CEMIP: variants seen among roughly 807,000 people sequenced by gnomAD.
CEMIP encodes cell migration-inducing and hyaluronan-binding protein.
CEMIP carries 105 observed loss-of-function variants against 156.9 expected under a neutral mutation model. The ratio of observed to expected loss-of-function variants is 0.67; its 90% CI spans 0.57 to 0.79. The LOEUF (loss-of-function observed/expected upper bound fraction) is 0.79, where lower values mean the gene tolerates loss of function less well. Among genes scored for constraint, CEMIP ranks in the 30% least tolerant of loss-of-function variants. The pLI is 0.00. For synonymous variants in CEMIP, 676 were observed against 668.4 expected, an observed-to-expected ratio of 1.01 and a Z score of -0.17; for missense variants, 1,457 against 1,769.4, an observed-to-expected ratio of 0.82 and a Z score of 3.17.
At position 80,798,286 on chromosome 15, in the gene CEMIP, T is replaced by C. The variant is rs191433208; in HGVS notation, c.-176+18672T>C. On this transcript the variant is annotated intron_variant, in intron 1 of 29. Transcript: ENST00000394685. Reference sequence around the variant, plus strand: ...ACCTTATACGTAACACATCTTAAAGTTTATTCATAAGCATTTTCAGTTTTC... The same window carrying C: ...ACCTTATACGTAACACATCTTAAAGCTTATTCATAAGCATTTTCAGTTTTC... Among the ~76,000 whole-genome samples, 365 of 152,318 alleles carry C rather than the reference T, an allele frequency of 2.4e-3. 1 individual carries two copies. Among genetic ancestry groups the C allele is most frequent in the Middle Eastern group, 0.017 (5 of 290 alleles).
intron 28 of CEMIP, among the ~76,000 whole-genome samples, chr15:80,943,935 C>G (rs1276330259): frequency 2.0e-5 from 3 of 152,204 alleles, no homozygotes; most frequent in Non-Finnish European, 2.9e-5. Context: ...CAGTACCTTA[C>G]AAGTCTCCCC....
chr15:80,942,895 C>T, intron 27 of CEMIP, 50 bp from the exon 28 acceptor site: 1 of 1,611,034 alleles, frequency 6.2e-7, no homozygotes. Flanking sequence ...GCAGGAGAAC[C>T]ATGGGGCCTT....
chr15:80,870,203 G>T (rs1027922436), intron 1 of CEMIP, among the ~76,000 whole-genome samples: 1 of 152,184 alleles, frequency 6.6e-6, no homozygotes, highest in African/African-American at 2.4e-5. Context: ...ACCTTGCCTA[G>T]GTTTGCCTAA....
At chr15:80,839,214 C>T (rs566757484) in intron 1 of CEMIP, among the ~76,000 whole-genome samples, 7 of 151,814 alleles carry the variant, frequency 4.6e-5, no homozygotes, top group African/African-American at 7.3e-5. Flanking sequence ...CAGCAGGAAT[C>T]GCATTCCATA....
intron 12 of CEMIP, chr15:80,901,014 AT>A: frequency 2.2e-6 from 1 of 453,100 alleles, no homozygotes; most frequent in Non-Finnish European, 4.4e-6. Flanking sequence ...TGCATGAATC[AT>A]CTAAAAAAAA....
chr15:80,847,556 T>C (rs1005180052), intron 1 of CEMIP, among the ~76,000 whole-genome samples: 1 of 152,028 alleles, frequency 6.6e-6, no homozygotes, highest in Non-Finnish European at 1.5e-5. Context: ...CACCTGGGAG[T>C]AGGACCCCCA....
In CEMIP at chr15:80,942,332, A is replaced by G. The variant is rs1273333214; in HGVS notation, c.3694A>G (p.Ile1232Val). ...FFHLWNDFAY[I>V]EVDGKKYPSS... is the part of the protein sequence containing the mutation. ...CCACCTCTGGAACGACTTCGCTTACATTGAAGTAAGTGCCTCTGGCCCCTG... is the reference window on the plus strand; with the variant it reads ...CCACCTCTGGAACGACTTCGCTTACGTTGAAGTAAGTGCCTCTGGCCCCTG... The change falls in exon 27 of 30, where the codon ATT becomes GTT. Residue 1232 changes from isoleucine to valine, a missense_variant. This residue lies in a region of CEMIP where 798 missense variants were observed against 980.1 expected (regional missense o/e 0.81). Coordinates refer to ENST00000394685, the MANE Select transcript of CEMIP (RefSeq NM_001293298.2). 3 of 1,613,032 alleles carry G rather than the reference A, an allele frequency of 1.9e-6. No individual in the cohort carries two copies. Among genetic ancestry groups the G allele is most frequent in the East Asian group, 4.5e-5 (2 of 44,894 alleles).
At position 80,911,527 on chromosome 15, in the gene CEMIP, C is replaced by CCA. The variant is rs10596688; in HGVS notation, c.1797+2249_1797+2250dup. 1.3e-3 allele frequency among the ~76,000 whole-genome samples: 200 copies of CCA among 149,066 alleles called. 1 individual carries two copies. The highest frequency in any genetic ancestry group is 5.7e-3 in the East Asian group (29 of 5,044). ...TGTTGTGAATCTCAGGGAAAATACA[C>CCA]CACACACACACACACACACACACAC... On this transcript the variant is annotated intron_variant, in intron 14 of 29. Transcript: ENST00000394685.
intron 1 of CEMIP, among the ~76,000 whole-genome samples, chr15:80,866,332 G>A (rs1898125140): frequency 6.6e-6 from 1 of 152,182 alleles, no homozygotes; most frequent in Non-Finnish European, 1.5e-5. Flanking sequence ...GCTCAAGCCT[G>A]TAATCCCAGC....
chr15:80,836,865 G>A (rs1049395893), intron 1 of CEMIP, among the ~76,000 whole-genome samples: 1 of 152,216 alleles, frequency 6.6e-6, no homozygotes, highest in African/African-American at 2.4e-5. Context: ...TTTGCAGCAA[G>A]GCAGAATAAT....
chr15:80,803,872 C>T (rs1158209866), intron 1 of CEMIP, among the ~76,000 whole-genome samples: 3 of 152,282 alleles, frequency 2.0e-5, no homozygotes, highest in African/African-American at 7.2e-5. Context: ...ATCAGATGGA[C>T]CCTGTATTAT....
chr15:80,856,255 T>C (rs1322861841), intron 1 of CEMIP, among the ~76,000 whole-genome samples: 2 of 152,244 alleles, frequency 1.3e-5, no homozygotes, highest in African/African-American at 2.4e-5. Flanking sequence ...TTGTGTGTTT[T>C]ATTTACATGT....
chr15:80,909,261 T>C lies in CEMIP; in HGVS notation c.1752T>C (p.His584=), dbSNP rs369684826. 3 of 1,613,984 alleles carry C rather than the reference T, an allele frequency of 1.9e-6. No homozygotes were observed. Among genetic ancestry groups the C allele is most frequent in the African/African-American group, 2.7e-5 (2 of 74,892 alleles). ...ACATCAGGGACCTCTCCATCCATCATACATTCTCTCGCTGCGTCACAGTCC... is the reference window on the plus strand; with the variant it reads ...ACATCAGGGACCTCTCCATCCATCACACATTCTCTCGCTGCGTCACAGTCC... The part of the protein sequence containing the change: ...PTYIRDLSIH[H]TFSRCVTVHG... The change falls in exon 14 of 30, where the codon CAT becomes CAC. Residue 584 remains histidine, a synonymous_variant. Transcript: ENST00000394685.
In CEMIP at chr15:80,906,893, T is replaced by C. The variant is rs1032613470; in HGVS notation, c.1587+55T>C. 1.3e-6 allele frequency: 2 copies of C among 1,557,142 alleles called. No homozygotes were observed. The highest frequency in any genetic ancestry group is 2.7e-5 in the African/African-American group (2 of 73,558). ...CCCAACCAGGAGAGTTCCTATGATG[T>C]CAGCCTCTAGACGGGCCTTCTTGGT... On this transcript the variant is annotated intron_variant, in intron 13 of 29. Transcript: ENST00000394685. The surrounding 1 kb of genome is among the most constrained non-coding windows in gnomAD (Gnocchi z 4.3).
At chr15:80,781,766 G>C (rs1480607977) in intron 1 of CEMIP, among the ~76,000 whole-genome samples, 1 of 152,228 alleles carries the variant, frequency 6.6e-6, no homozygotes, top group Non-Finnish European at 1.5e-5. Flanking sequence ...CCATCTTGCA[G>C]GGTTGCTATG....
chr15:80,824,332 C>T (rs1473884880), intron 1 of CEMIP, among the ~76,000 whole-genome samples: 1 of 152,224 alleles, frequency 6.6e-6, no homozygotes, highest in Non-Finnish European at 1.5e-5. Context: ...GCCACCTGCT[C>T]TTGAGGGTGG....
intron 1 of CEMIP, among the ~76,000 whole-genome samples, chr15:80,790,086 G>A (rs1896043476): frequency 6.6e-6 from 1 of 152,090 alleles, no homozygotes; most frequent in Admixed American, 6.5e-5. Flanking sequence ...CAGTGGAGAT[G>A]GCTTCTCATC....
chr15:80,900,696 GTGTC>G (rs1439546842), intron 12 of CEMIP: 1 of 290,308 alleles, frequency 3.4e-6, no homozygotes, highest in African/African-American at 2.3e-5. Context: ...TGTGTATTTT[GTGTC>G]TGTCTGTTCT....
chr15:80,877,452 C>G (rs988443329), intron 3 of CEMIP, among the ~76,000 whole-genome samples: 1 of 152,206 alleles, frequency 6.6e-6, no homozygotes, highest in Non-Finnish European at 1.5e-5. Context: ...CCTCCTCACC[C>G]CCAACCCGGG....
Sources: allele counts gnomAD v4.1 joint callset (sites outside exome capture counted in the v4.1 genomes callset), GRCh38; gene constraint gnomAD v4.1.1; regional missense constraint gnomAD v4.1.1; non-coding constraint Gnocchi (gnomAD v3.1); transcripts MANE v1.5; gene names NCBI Gene and HGNC (gene_info 2026-07-23, HGNC 2026-07-21).